PRSS36: variants seen among roughly 807,000 people sequenced by gnomAD.
PRSS36 encodes polyserase-2.
PRSS36 carries 90 observed loss-of-function variants against 94.3 expected under a neutral mutation model. The observed-to-expected ratio is 0.95, with a 90% CI of 0.80 to 1.14. The LOEUF is 1.14. Among genes scored for constraint, PRSS36 ranks in the 50% most tolerant of loss-of-function variants. The pLI is 0.00. For synonymous variants in PRSS36, 500 were observed against 489.6 expected (o/e 1.02, Z -0.28); for missense variants, 1,158 against 1,135.0 (o/e 1.02, Z -0.29).
At chr16:31,143,264 G>A (rs1206140067) in intron 8 of PRSS36, 78 bp downstream of exon 8, 21 of 1,515,966 alleles carry the variant, frequency 1.4e-5, no homozygotes, top group Non-Finnish European at 1.8e-5. Flanking sequence ...CCCCTGGGGA[G>A]GGGCTGGGGC....
In PRSS36 at chr16:31,143,655, G is replaced by T; in HGVS notation, c.903C>A (p.Thr301=). The change falls in exon 7 of 15, where the codon ACC becomes ACA. Residue 301 remains threonine (T), a synonymous_variant. Transcript: ENST00000268281. ...GATCTGACTGGGTCTTCTGGGGCTG[G>T]GTGGGAAAGGCAGGCCCAGGCTCTG... ...MGSEPGPAFP[T]QPQKTQSDPQ... 1 of 1,614,186 alleles carries T rather than the reference G, an allele frequency of 6.2e-7. No individual in the cohort carries two copies. The highest frequency in any genetic ancestry group is 8.5e-7 in the Non-Finnish European group (1 of 1,180,026).
chr16:31,141,739 T>G lies in PRSS36; in HGVS notation c.1743A>C (p.Pro581=), dbSNP rs1402921238. 2.5e-6 allele frequency: 4 copies of G among 1,613,452 alleles called. No homozygotes were observed. Among genetic ancestry groups the G allele is most frequent in the East Asian group, 2.2e-5 (1 of 44,866 alleles). Reference sequence around the variant, plus strand: ...CCTGCTCACCACCATGCTCTGTGTGTGGGGGACAAGTCTGTGTCTCAGTCT... The same window carrying G: ...CCTGCTCACCACCATGCTCTGTGTGGGGGGGACAAGTCTGTGTCTCAGTCT... The part of the protein sequence containing the change: ...GEETETQTCP[P]HTEHGACGLR... The change falls in exon 11 of 15, where the codon CCA becomes CCC. Residue 581 remains proline, a synonymous_variant. Coordinates refer to ENST00000268281, the MANE Select transcript of PRSS36 (RefSeq NM_173502.5).
Position 31,140,547 on chromosome 16 carries a change from A to ACCCG in PRSS36, c.2108_2111dup (p.Ile705GlyfsTer35). The ACCCG allele has an allele frequency of 6.3e-7, 1 of 1,581,522 alleles. No individual in the cohort carries two copies. Among genetic ancestry groups the ACCCG allele is most frequent in the South Asian group, 1.2e-5 (1 of 85,186 alleles). The stretch of plus-strand genomic sequence containing the variant: ...CCCAGCAGCTGGCCCCCGGGGGGAT[A>ACCCG]CCCGCCGGGTGGAGACAGATGGGCA... On this transcript the variant is annotated frameshift_variant, in exon 13 of 15. Coordinates refer to ENST00000268281, the MANE Select transcript of PRSS36 (RefSeq NM_173502.5). LOFTEE classifies it high-confidence loss of function.
At chr16:31,142,075 C>T (rs2057703873) in intron 10 of PRSS36, 115 bp from the exon 11 acceptor site, 4 of 870,852 alleles carry the variant, frequency 4.6e-6, no homozygotes, top group Non-Finnish European at 3.7e-6. Context: ...TCAAGTTCCA[C>T]CTTCTCCAAA....
intron 14 of PRSS36, among the ~76,000 whole-genome samples, chr16:31,139,924 G>A (rs2057655950): frequency 6.7e-6 from 1 of 148,958 alleles, no homozygotes; most frequent in South Asian, 2.2e-4. Flanking sequence ...GCCGGGCGCA[G>A]TGGCTCACAC....
rs780358397 is a variant in PRSS36 at position 31,149,242 on chromosome 16, C to G, written c.110-7G>C. ...GGCTCAGGGCGCCCGCAGTCTGCAA[C>G]GGGGAGCCGTGGAAGCCAAAGCTCC... On this transcript the variant is annotated splice_polypyrimidine_tract_variant and splice_region_variant and intron_variant, in intron 3 of 14. Coordinates refer to ENST00000268281, the MANE Select transcript of PRSS36 (RefSeq NM_173502.5). 3 of 1,546,582 alleles carry G rather than the reference C, an allele frequency of 1.9e-6. No homozygotes were observed. The South Asian group carries it at 3.6e-5, about 18-fold the overall frequency.
At chr16:31,142,367 C>A in intron 10 of PRSS36, 114 bp downstream of exon 10, 1 of 1,234,990 alleles carries the variant, frequency 8.1e-7, no homozygotes, top group Non-Finnish European at 1.1e-6. Flanking sequence ...GACCCGCCTT[C>A]CGCAGGCCCC....
Position 31,142,627 on chromosome 16 carries a change from C to T in PRSS36, c.1375G>A (p.Gly459Ser). 1 of 1,491,794 alleles carries T rather than the reference C, an allele frequency of 6.7e-7. No homozygotes were observed. Among genetic ancestry groups the T allele is most frequent in the Admixed American group, 2.3e-5 (1 of 44,140 alleles). 92.4% of individuals were successfully genotyped at this position (1,491,794 alleles called of 1,614,324 possible). A position where few individuals can be genotyped will look rare whatever the true frequency, so the allele number is the denominator to read the frequency against. Reference protein sequence around the residue: ...WGRGEPALGPGALLEAELLGG... With the variant: ...WGRGEPALGPSALLEAELLGG... ...AACAGCTCCGCCTCCAGCAGCGCGC[C>T]TGGGCCAAGCGCGGGTTCTGGAAGG... The change falls in exon 10 of 15, where the codon GGC (glycine) becomes AGC (serine). Residue 459 changes from glycine to serine, a missense_variant. By Grantham distance (56) the Gly-to-Ser change is moderately conservative (BLOSUM62 0). Transcript: ENST00000268281.
In PRSS36 at chr16:31,142,905, G is replaced by C. The variant is rs2057734535; in HGVS notation, c.1189C>G (p.Leu397Val). The C allele has an allele frequency of 1.9e-6, 3 of 1,542,250 alleles. No homozygotes were observed. Among genetic ancestry groups the C allele is most frequent in the Admixed American group, 3.9e-5 (2 of 51,198 alleles). The change falls in exon 9 of 15, where the codon CTG becomes GTG. Residue 397 changes from leucine (L) to valine (V), a missense_variant. Physicochemically the swap from Leu to Val is conservative, Grantham distance 32. Transcript: ENST00000268281. ...SRPRAERVAR[L>V]VQHENASWDN... ...CACGAAGCGTTCTCGTGCTGCACCAGGCGCGCCACCCGCTCCGCGCGCGGG... is the reference window on the plus strand; with the variant it reads ...CACGAAGCGTTCTCGTGCTGCACCACGCGCGCCACCCGCTCCGCGCGCGGG...
chr16:31,149,832 G>T, intron 1 of PRSS36, 101 bp from the exon 2 acceptor site: 1 of 1,570,810 alleles, frequency 6.4e-7, no homozygotes, highest in Non-Finnish European at 8.8e-7. Flanking sequence ...TCTCCCCAGG[G>T]CACCCAGGCC....
chr16:31,140,548 C>T lies in PRSS36; in HGVS notation c.2111G>A (p.Gly704Asp). 2 of 1,582,894 alleles carry T rather than the reference C, an allele frequency of 1.3e-6. No individual in the cohort carries two copies. The highest frequency in any genetic ancestry group is 8.6e-7 in the Non-Finnish European group (1 of 1,163,986). ...SALPICLHPAGIPPGASCWVL... is the reference protein window; with the variant it reads ...SALPICLHPADIPPGASCWVL... ...CCAGCAGCTGGCCCCCGGGGGGATA[C>T]CCGCCGGGTGGAGACAGATGGGCAG... Residue 704 changes from glycine (G) to aspartate (D), a missense_variant, in exon 13 of 15, where the codon GGT becomes GAT. By Grantham distance (94) the Gly-to-Asp change is moderately conservative. Coordinates refer to ENST00000268281, the MANE Select transcript of PRSS36 (RefSeq NM_173502.5).
At chr16:31,140,148 G>A (rs1372692812) in intron 14 of PRSS36, 146 bp downstream of exon 14, 27 of 771,844 alleles carry the variant, frequency 3.5e-5, no homozygotes, top group Non-Finnish European at 4.6e-5. Context: ...CCGAGATCGC[G>A]CCACTGCACT....
At chr16:31,149,343 C>T in intron 3 of PRSS36, 108 bp from the exon 4 acceptor site, 2 of 1,532,370 alleles carry the variant, frequency 1.3e-6, no homozygotes, top group African/African-American at 1.4e-5. Flanking sequence ...GTTTGCCCCT[C>T]TGAACAAAGA....
At chr16:31,144,744 C>T (rs545404376) in intron 6 of PRSS36, among the ~76,000 whole-genome samples, 11 of 151,838 alleles carry the variant, frequency 7.2e-5, no homozygotes, top group African/African-American at 1.9e-4. Context: ...GAGCCAAGAT[C>T]GTGCCATTGC....
chr16:31,139,038 T>G lies in PRSS36; in HGVS notation c.*100A>C, dbSNP rs1596835203. The G allele has an allele frequency of 6.2e-6, 8 of 1,297,960 alleles. No individual in the cohort carries two copies. The highest frequency in any genetic ancestry group is 1.5e-5 in the African/African-American group (1 of 65,630). 80.4% of individuals were successfully genotyped at this position (1,297,960 alleles called of 1,614,324 possible). A position where few individuals can be genotyped will look rare whatever the true frequency, so the allele number is the denominator to read the frequency against. On this transcript the variant is annotated 3_prime_UTR_variant, in exon 15 of 15. Transcript: ENST00000268281. Reference sequence around the variant, plus strand: ...CCAGAGCCGCTGCAATCTCGGTGGGTGGGGCCCTTGAGGTTCCAGCCGGCT... The same window carrying G: ...CCAGAGCCGCTGCAATCTCGGTGGGGGGGGCCCTTGAGGTTCCAGCCGGCT...
Position 31,142,773 on chromosome 16 carries a change from C to T in PRSS36, c.1321G>A (p.Gly441Arg), listed in dbSNP as rs745365099. Residue 441 changes from glycine to arginine, a missense_variant, in exon 9 of 15, where the codon GGG (glycine) becomes AGG (arginine). Coordinates refer to ENST00000268281, the MANE Select transcript of PRSS36 (RefSeq NM_173502.5). ...CAGCGGGCCAGGCGGCAGCGGCTCC[C>T]GGGCAGGAAGTAGTGTTCCGGGTGG... is the stretch of plus-strand genomic sequence containing the variant. The part of the protein sequence containing the change: ...LPHPEHYFLP[G>R]SRCRLARWGR... 2.0e-5 allele frequency: 28 copies of T among 1,431,400 alleles called. No homozygotes were observed. In the East Asian group the frequency reaches 5.7e-4, roughly 29 times the overall value. The allele number at this position is 1,431,400 out of a possible 1,614,324, so 88.7% of individuals were successfully genotyped here.
rs1296120592 is a variant in PRSS36, at chr16:31,140,546, T to C, written c.2113A>G (p.Ile705Val). Reference sequence around the variant, plus strand: ...ACCCAGCAGCTGGCCCCCGGGGGGATACCCGCCGGGTGGAGACAGATGGGC... The same window carrying C: ...ACCCAGCAGCTGGCCCCCGGGGGGACACCCGCCGGGTGGAGACAGATGGGC... Reference protein sequence around the residue: ...ALPICLHPAGIPPGASCWVLG... With the variant: ...ALPICLHPAGVPPGASCWVLG... Residue 705 changes from isoleucine (I) to valine (V), a missense_variant, in exon 13 of 15, where the codon ATC becomes GTC. Physicochemically the swap from Ile to Val is conservative, Grantham distance 29 (BLOSUM62 3). Transcript: ENST00000268281. The C allele has an allele frequency of 1.6e-5, 25 of 1,582,084 alleles. No homozygotes were observed. Among genetic ancestry groups the C allele is most frequent in the Non-Finnish European group, 2.1e-5 (25 of 1,163,518 alleles).
Position 31,138,987 on chromosome 16 carries a change from T to C in PRSS36, c.*151A>G. ...CCCCCAAGGATTCCTGGGTTCAAAATAGCCCGGGCACTGAGGCCCAATTAG... is the reference window on the plus strand; with the variant it reads ...CCCCCAAGGATTCCTGGGTTCAAAACAGCCCGGGCACTGAGGCCCAATTAG... On this transcript the variant is annotated 3_prime_UTR_variant, in exon 15 of 15. Coordinates refer to ENST00000268281, the MANE Select transcript of PRSS36 (RefSeq NM_173502.5). 3 of 836,168 alleles carry C rather than the reference T, an allele frequency of 3.6e-6. No homozygotes were observed. Among genetic ancestry groups the C allele is most frequent in the South Asian group, 3.9e-5 (2 of 51,286 alleles). 51.8% of individuals were successfully genotyped at this position (836,168 alleles called of 1,614,324 possible). A position where few individuals can be genotyped will look rare whatever the true frequency, so the allele number is the denominator to read the frequency against.
intron 6 of PRSS36, among the ~76,000 whole-genome samples, chr16:31,145,570 G>A (rs2057787067): frequency 6.6e-6 from 1 of 151,970 alleles, no homozygotes; most frequent in African/African-American, 2.4e-5. Context: ...GTGGAGCAGG[G>A]GGAGGTTGCA....
Sources: allele counts gnomAD v4.1 joint callset (sites outside exome capture counted in the v4.1 genomes callset), GRCh38; gene constraint gnomAD v4.1.1; transcripts MANE v1.5; gene names NCBI Gene and HGNC (gene_info 2026-07-23, HGNC 2026-07-21).